The following SUSD5 variants were observed in gnomAD, a reference collection of about 807,000 sequenced individuals.
SUSD5 encodes sushi domain containing 5.
Under a neutral mutation model 29.5 loss-of-function variants are expected in SUSD5, and 33 were observed. That is an observed-to-expected ratio of 1.12 (90% CI 0.85 to 1.49). The LOEUF is 1.49. SUSD5 is among the 40% of genes most tolerant of loss of function. The probability of loss-of-function intolerance (pLI) is 0.00; values close to 1 mark genes in which losing one functional copy is unlikely to be tolerated. For missense variants in SUSD5, 776 were observed against 800.6 expected, an observed-to-expected ratio of 0.97 and a Z score of 0.37; for synonymous variants, 308 against 325.3, an observed-to-expected ratio of 0.95 and a Z score of 0.57.
At position 33,196,457 on chromosome 3, in the gene SUSD5, C is replaced by T. The variant is rs1210181853; in HGVS notation, c.409+11351G>A. Among the ~76,000 whole-genome samples the T allele has an allele frequency of 2.6e-5, 4 of 152,124 alleles. No homozygotes were observed. In the South Asian group the frequency reaches 8.3e-4, roughly 31 times the overall value. On this transcript the variant is annotated intron_variant, in intron 3 of 4. Transcript: ENST00000309558. ...TGCAGTGGTGATTTGCTGGAAGGTT[C>T]CCCTTTCCCTGACACACACAAAGGT...
chr3:33,154,120 G>T, intron 4 of SUSD5, 87 bp from the exon 5 acceptor site: 1 of 1,099,988 alleles, frequency 9.1e-7, no homozygotes, highest in Non-Finnish European at 1.3e-6. Context: ...AAAGCATAAA[G>T]GCTGGGACAG....
chr3:33,157,553 T>C (rs1431579744), intron 4 of SUSD5, among the ~76,000 whole-genome samples: 2 of 152,330 alleles, frequency 1.3e-5, no homozygotes, highest in Non-Finnish European at 2.9e-5. Context: ...ACTGCAATAA[T>C]GGCCACAAAT....
rs1274496657 is a variant in SUSD5, at chr3:33,153,217, A to T, written c.1415T>A (p.Leu472Gln). 1.2e-6 allele frequency: 2 copies of T among 1,613,698 alleles called. No homozygotes were observed. Among genetic ancestry groups the T allele is most frequent in the Non-Finnish European group, 1.7e-6 (2 of 1,179,864 alleles). The change falls in exon 5 of 5, where the codon CTA becomes CAA. Residue 472 changes from leucine (L) to glutamine (Q), a missense_variant. Leu to Gln is a moderately radical substitution (Grantham distance 113). Transcript: ENST00000309558. ...DGDLTKYQST[L>Q]PWRFITEESP... ...TTCCTCTGTGATGAATCTCCAGGGT[A>T]GAGTTGACTGGTACTTCGTCAAGTC...
chr3:33,177,271 T>G (rs2031572100), intron 3 of SUSD5, among the ~76,000 whole-genome samples: 1 of 152,220 alleles, frequency 6.6e-6, no homozygotes. Context: ...AGTAACTTGC[T>G]GAATTTTTTA....
In SUSD5 at chr3:33,198,144, T is replaced by C. The variant is rs2032031493; in HGVS notation, c.409+9664A>G. ...ACCATACTATTATTATCACTTTATG[T>C]TGTTAGAGTTATGTGGTGCTAGATA... On this transcript the variant is annotated intron_variant, in intron 3 of 4. Transcript: ENST00000309558. 3.3e-5 allele frequency among the ~76,000 whole-genome samples: 5 copies of C among 152,230 alleles called. No homozygotes were observed. In the South Asian group the frequency reaches 8.3e-4, roughly 25 times the overall value.
intron 3 of SUSD5, among the ~76,000 whole-genome samples, chr3:33,194,822 T>G (rs2031964547): frequency 6.6e-6 from 1 of 152,216 alleles, no homozygotes; most frequent in African/African-American, 2.4e-5. Context: ...GAGTAACAGC[T>G]TGATGAAAAT....
intron 3 of SUSD5, among the ~76,000 whole-genome samples, chr3:33,199,368 G>A (rs553285473): frequency 6.6e-6 from 1 of 152,236 alleles, no homozygotes; most frequent in South Asian, 2.1e-4. Context: ...CCGCCTCCCG[G>A]GTTCACACCA....
rs182463131 is a variant in SUSD5, at chr3:33,153,326, C to T, written c.1306G>A (p.Val436Ile). 1.9e-6 allele frequency: 3 copies of T among 1,613,964 alleles called. No homozygotes were observed. The highest frequency in any genetic ancestry group is 1.7e-6 in the Non-Finnish European group (2 of 1,179,866). The change falls in exon 5 of 5, where the codon GTT becomes ATT. Residue 436 changes from valine (V) to isoleucine (I), a missense_variant. Transcript: ENST00000309558. ...TPSEGMTHSS[V>I]LPSQMLDVEA... ...ACATCTAGCATTTGAGATGGAAGAA[C>T]TGAACTATGGGTCATGCCCTCGCTT...
At chr3:33,191,897 C>G (rs2031898225) in intron 3 of SUSD5, among the ~76,000 whole-genome samples, 1 of 152,124 alleles carries the variant, frequency 6.6e-6, no homozygotes, top group African/African-American at 2.4e-5. Context: ...ATGATCAAGC[C>G]ACTGTATTCT....
chr3:33,199,212 T>C (rs1264167462), intron 3 of SUSD5, among the ~76,000 whole-genome samples: 6 of 108,814 alleles, frequency 5.5e-5, no homozygotes, highest in Non-Finnish European at 7.8e-5. Context: ...TAGGGGAGAA[T>C]TTCACACACA....
At chr3:33,178,150 T>G (rs1441393951) in intron 3 of SUSD5, among the ~76,000 whole-genome samples, 1 of 152,208 alleles carries the variant, frequency 6.6e-6, no homozygotes, top group Admixed American at 6.5e-5. Context: ...TCTATTGAGT[T>G]GAAGAAGTTC....
intron 4 of SUSD5, among the ~76,000 whole-genome samples, chr3:33,157,764 T>C (rs2031086868): frequency 6.6e-6 from 1 of 152,198 alleles, no homozygotes; most frequent in African/African-American, 2.4e-5. Flanking sequence ...CAAACCTGGA[T>C]GCTGAAGGAT....
chr3:33,208,418 T>G (rs576967601), intron 2 of SUSD5, among the ~76,000 whole-genome samples: 1 of 152,290 alleles, frequency 6.6e-6, no homozygotes, highest in African/African-American at 2.4e-5. Flanking sequence ...TTCCCATAAT[T>G]TATTTAAGGA....
intron 4 of SUSD5, among the ~76,000 whole-genome samples, chr3:33,164,219 T>A (rs983646657): frequency 4.6e-5 from 7 of 152,170 alleles, no homozygotes; most frequent in Non-Finnish European, 1.0e-4. Flanking sequence ...GTTTCCTTTA[T>A]ATAAAGCCAG....
Position 33,153,647 on chromosome 3 carries a change from A to G in SUSD5, c.985T>C (p.Leu329=), listed in dbSNP as rs148017080. ...TTGGTTTCAGGTTCACCTGGGACCA[A>G]TTTTACACCACTGTGGTTGTCTCCA... ...SAGDNHSGVK[L]VPGEPETKVI... is the part of the protein sequence containing the mutation. Residue 329 remains leucine, a synonymous_variant, in exon 5 of 5, where the codon TTG becomes CTG. Transcript: ENST00000309558. 5.0e-6 allele frequency: 8 copies of G among 1,613,964 alleles called. No homozygotes were observed. The East Asian group carries it at 8.9e-5, about 18-fold the overall frequency.
intron 3 of SUSD5, among the ~76,000 whole-genome samples, chr3:33,192,249 CT>C (rs1159569946): frequency 7.6e-4 from 100 of 131,932 alleles, no homozygotes; most frequent in East Asian, 1.5e-3. Flanking sequence ...AATTTTTTTT[CT>C]TTTTTTTTTT....
At chr3:33,171,193 C>A (rs947505538) in intron 4 of SUSD5, among the ~76,000 whole-genome samples, 1 of 152,012 alleles carries the variant, frequency 6.6e-6, no homozygotes, top group African/African-American at 2.4e-5. Context: ...ACTAAAAATA[C>A]AAAATTAGCC....
chr3:33,157,283 T>G (rs1397785504), intron 4 of SUSD5, among the ~76,000 whole-genome samples: 2 of 152,204 alleles, frequency 1.3e-5, no homozygotes, highest in Non-Finnish European at 2.9e-5. Context: ...AGGGTTGAAC[T>G]TCAAAGATTT....
chr3:33,170,437 T>C (rs1340088391), intron 4 of SUSD5, among the ~76,000 whole-genome samples: 1 of 152,040 alleles, frequency 6.6e-6, no homozygotes, highest in Non-Finnish European at 1.5e-5. Context: ...GGGGAGAAAA[T>C]GGCAGTTAAA....
Sources: allele counts gnomAD v4.1 joint callset (sites outside exome capture counted in the v4.1 genomes callset), GRCh38; gene constraint gnomAD v4.1.1; transcripts MANE v1.5; gene names NCBI Gene and HGNC (gene_info 2026-07-23, HGNC 2026-07-21).